SMIM33: variants seen among roughly 807,000 people sequenced by gnomAD.
The protein encoded by SMIM33 is small integral membrane protein 33.
Position 139,472,832 on chromosome 5 carries a change from G to A in SMIM33, c.310G>A (p.Glu104Lys). The change falls in exon 2 of 2, where the codon GAA becomes AAA. Residue 104 changes from glutamate (E) to lysine (K), a missense_variant. Transcript: ENST00000637503. Reference sequence around the variant, plus strand: ...GGTGCTGGGCCCCCAAGACAGTCCTGAAGAAGCACCACCGGGCCCTCTTGT... The same window carrying A: ...GGTGCTGGGCCCCCAAGACAGTCCTAAAGAAGCACCACCGGGCCCTCTTGT... ...WRVLGPQDSP[E>K]EAPPGPLVPG... 2 of 400,888 alleles carry A rather than the reference G, an allele frequency of 5.0e-6. No individual in the cohort carries two copies. Among genetic ancestry groups the A allele is most frequent in the Non-Finnish European group, 8.8e-6 (2 of 226,342 alleles). 24.8% of individuals were successfully genotyped at this position (400,888 alleles called of 1,614,324 possible).
chr5:139,471,949 A>T (rs1346145283), intron 1 of SMIM33, among the ~76,000 whole-genome samples: 1 of 151,866 alleles, frequency 6.6e-6, no homozygotes, highest in Non-Finnish European at 1.5e-5. Flanking sequence ...CTGGACAAGG[A>T]CCCCCTTTCC....
chr5:139,471,697 A>G (rs1358848197), intron 1 of SMIM33, among the ~76,000 whole-genome samples: 5 of 152,122 alleles, frequency 3.3e-5, no homozygotes, highest in Non-Finnish European at 7.4e-5. Context: ...GAAGACTGGC[A>G]CAGGGTCTCC....
chr5:139,472,361 C>T (rs1751549127), intron 1 of SMIM33, among the ~76,000 whole-genome samples, 171 bp from the exon 2 acceptor site: 1 of 152,010 alleles, frequency 6.6e-6, no homozygotes, highest in Non-Finnish European at 1.5e-5. Flanking sequence ...GTATTCTCTG[C>T]CTCTCTCCAG....
chr5:139,472,664 A>G lies in SMIM33; in HGVS notation c.142A>G (p.Ile48Val). 1 of 400,670 alleles carries G rather than the reference A, an allele frequency of 2.5e-6. No homozygotes were observed. The highest frequency in any genetic ancestry group is 4.4e-6 in the Non-Finnish European group (1 of 226,252). 24.8% of individuals were successfully genotyped at this position (400,670 alleles called of 1,614,324 possible). Residue 48 changes from isoleucine to valine, a missense_variant, in exon 2 of 2, where the codon ATT becomes GTT. Transcript: ENST00000637503. ...RVDGLPVVTV[I>V]VAVFVLLAVC... ...TGACGGGCTGCCTGTGGTCACCGTCATTGTCGCTGTCTTTGTTCTGCTGGC... is the reference window on the plus strand; with the variant it reads ...TGACGGGCTGCCTGTGGTCACCGTCGTTGTCGCTGTCTTTGTTCTGCTGGC...
rs542952918 is a variant in SMIM33, at chr5:139,471,877, C to T, written c.10-655C>T. ...CCTCTACCTCTACCTCTACCTCTCC[C>T]GCCGCCAGGGCACCACCTGTCTGTC... is the stretch of plus-strand genomic sequence containing the variant. On this transcript the variant is annotated intron_variant, in intron 1 of 1. Transcript: ENST00000637503. Among the ~76,000 whole-genome samples the T allele has an allele frequency of 3.7e-4, 56 of 152,298 alleles. 1 individual carries two copies. Among genetic ancestry groups the T allele is most frequent in the Admixed American group, 2.3e-3 (35 of 15,300 alleles).
rs1211080144 is a variant in SMIM33, at chr5:139,471,126, A to G, written c.5A>G (p.His2Arg). The G allele has an allele frequency of 2.5e-6, 1 of 398,724 alleles. No individual in the cohort carries two copies. Among genetic ancestry groups the G allele is most frequent in the Non-Finnish European group, 4.4e-6 (1 of 226,162 alleles). The allele number at this position is 398,724 out of a possible 1,614,324, so 24.7% of individuals were successfully genotyped here. A position where few individuals can be genotyped will look rare whatever the true frequency, so the allele number is the denominator to read the frequency against. M[H>R]QAGHYSWPSP... is the part of the protein sequence containing the mutation. ...AGCCCTGTGTCGGCCCGGACAATGCACCAGGTAGACTCTGCTCACCCCTTC... is the reference window on the plus strand; with the variant it reads ...AGCCCTGTGTCGGCCCGGACAATGCGCCAGGTAGACTCTGCTCACCCCTTC... The change falls in exon 1 of 2, where the codon CAC (histidine) becomes CGC (arginine). Residue 2 changes from histidine (H) to arginine (R), a missense_variant. His to Arg is a conservative substitution (Grantham distance 29). Coordinates refer to ENST00000637503, the MANE Select transcript of SMIM33 (RefSeq NM_001365197.1).
chr5:139,473,251 T>G lies in SMIM33; in HGVS notation c.*330T>G. The G allele has an allele frequency of 9.7e-6, 2 of 206,030 alleles. No homozygotes were observed. Among genetic ancestry groups the G allele is most frequent in the Non-Finnish European group, 1.9e-5 (2 of 103,978 alleles). 12.8% of individuals were successfully genotyped at this position (206,030 alleles called of 1,614,324 possible). A position where few individuals can be genotyped will look rare whatever the true frequency, so the allele number is the denominator to read the frequency against. On this transcript the variant is annotated 3_prime_UTR_variant, in exon 2 of 2. Transcript: ENST00000637503. ...CCCCTTCATTGCACGCTTAATCTCC[T>G]TCCTTTGTAATGTGAATCCAACTCC... is the stretch of plus-strand genomic sequence containing the variant.
chr5:139,473,074 A>G lies in SMIM33; in HGVS notation c.*153A>G, dbSNP rs770327651. ...GCTCTCTCAGAACATTTATAGAGAGAGCCCTGTGGTGGGCAAGAGAAATCA... is the reference window on the plus strand; with the variant it reads ...GCTCTCTCAGAACATTTATAGAGAGGGCCCTGTGGTGGGCAAGAGAAATCA... On this transcript the variant is annotated 3_prime_UTR_variant, in exon 2 of 2. Transcript: ENST00000637503. 4 of 396,624 alleles carry G rather than the reference A, an allele frequency of 1.0e-5. No individual in the cohort carries two copies. Among genetic ancestry groups the G allele is most frequent in the Non-Finnish European group, 1.8e-5 (4 of 225,438 alleles). The allele number at this position is 396,624 out of a possible 1,614,324, so 24.6% of individuals were successfully genotyped here.
At position 139,473,239 on chromosome 5, in the gene SMIM33, C is replaced by G; in HGVS notation, c.*318C>G. ...TCTGAGTCTCTGCCCCTTCATTGCA[C>G]GCTTAATCTCCTTCCTTTGTAATGT... On this transcript the variant is annotated 3_prime_UTR_variant, in exon 2 of 2. Coordinates refer to ENST00000637503, the MANE Select transcript of SMIM33 (RefSeq NM_001365197.1). The G allele has an allele frequency of 4.2e-6, 1 of 235,614 alleles. No individual in the cohort carries two copies. The highest frequency in any genetic ancestry group is 8.1e-6 in the Non-Finnish European group (1 of 123,030). 14.6% of individuals were successfully genotyped at this position (235,614 alleles called of 1,614,324 possible).
chr5:139,471,693 T>C (rs1338602128), intron 1 of SMIM33, among the ~76,000 whole-genome samples: 1 of 152,074 alleles, frequency 6.6e-6, no homozygotes, highest in Non-Finnish European at 1.5e-5. Context: ...AGAGGAAGAC[T>C]GGCACAGGGT....
At chr5:139,471,743 G>A (rs1751539478) in intron 1 of SMIM33, among the ~76,000 whole-genome samples, 1 of 152,034 alleles carries the variant, frequency 6.6e-6, no homozygotes, top group African/African-American at 2.4e-5. Context: ...AGTCCACACT[G>A]GGCACCCCCT....
At chr5:139,472,121 C>T (rs1751544362) in intron 1 of SMIM33, among the ~76,000 whole-genome samples, 1 of 152,222 alleles carries the variant, frequency 6.6e-6, no homozygotes, top group African/African-American at 2.4e-5. Flanking sequence ...GGGGGCCAAA[C>T]TGTATACGCT....
intron 1 of SMIM33, among the ~76,000 whole-genome samples, chr5:139,471,562 T>C (rs1751536099): frequency 6.6e-6 from 1 of 152,056 alleles, no homozygotes; most frequent in African/African-American, 2.4e-5. Flanking sequence ...GTTTACAGTT[T>C]TGCCATTTGC....
At position 139,472,715 on chromosome 5, in the gene SMIM33, T is replaced by C. The variant is rs1751555723; in HGVS notation, c.193T>C (p.Phe65Leu). The change falls in exon 2 of 2, where the codon TTT (phenylalanine) becomes CTT (leucine). Residue 65 changes from phenylalanine to leucine, a missense_variant. Coordinates refer to ENST00000637503, the MANE Select transcript of SMIM33 (RefSeq NM_001365197.1). Reference protein sequence around the residue: ...LAVCIIVAVHFGPRLHQGHAT... With the variant: ...LAVCIIVAVHLGPRLHQGHAT... The stretch of plus-strand genomic sequence containing the variant: ...AGTCTGCATCATAGTGGCAGTCCAT[T>C]TTGGGCCAAGGCTGCACCAGGGCCA... The C allele has an allele frequency of 2.5e-6, 1 of 400,772 alleles. No homozygotes were observed. Among genetic ancestry groups the C allele is most frequent in the Non-Finnish European group, 4.4e-6 (1 of 226,256 alleles). The allele number at this position is 400,772 out of a possible 1,614,324, so 24.8% of individuals were successfully genotyped here.
Position 139,473,098 on chromosome 5 carries a change from C to A in SMIM33, c.*177C>A, listed in dbSNP as rs1268787400. ...GAGCCCTGTGGTGGGCAAGAGAAATCAAAACTTGAGGGCCCTGCCCAGAAA... is the reference window on the plus strand; with the variant it reads ...GAGCCCTGTGGTGGGCAAGAGAAATAAAAACTTGAGGGCCCTGCCCAGAAA... On this transcript the variant is annotated 3_prime_UTR_variant, in exon 2 of 2. Coordinates refer to ENST00000637503, the MANE Select transcript of SMIM33 (RefSeq NM_001365197.1). The A allele has an allele frequency of 2.5e-6, 1 of 394,978 alleles. No individual in the cohort carries two copies. The highest frequency in any genetic ancestry group is 2.1e-5 in the African/African-American group (1 of 48,568). The allele number at this position is 394,978 out of a possible 1,614,324, so 24.5% of individuals were successfully genotyped here.
chr5:139,471,102 G>A lies in SMIM33; in HGVS notation c.-20G>A, dbSNP rs892906481. The A allele has an allele frequency of 3.0e-5, 12 of 398,638 alleles. No individual in the cohort carries two copies. Among genetic ancestry groups the A allele is most frequent in the South Asian group, 1.3e-4 (1 of 7,866 alleles). The allele number at this position is 398,638 out of a possible 1,614,324, so 24.7% of individuals were successfully genotyped here. Reference sequence around the variant, plus strand: ...CCAGCTGGCTGCCAGTCCCAAGGGAGCCCTGTGTCGGCCCGGACAATGCAC... The same window carrying A: ...CCAGCTGGCTGCCAGTCCCAAGGGAACCCTGTGTCGGCCCGGACAATGCAC... On this transcript the variant is annotated 5_prime_UTR_variant, in exon 1 of 2. Transcript: ENST00000637503.
Position 139,471,087 on chromosome 5 carries a change from G to GA in SMIM33, c.-35_-34insA, listed in dbSNP as rs1751529324. 1.0e-5 allele frequency: 4 copies of GA among 398,768 alleles called. No individual in the cohort carries two copies. Among genetic ancestry groups the GA allele is most frequent in the Non-Finnish European group, 1.8e-5 (4 of 226,174 alleles). 24.7% of individuals were successfully genotyped at this position (398,768 alleles called of 1,614,324 possible). A position where few individuals can be genotyped will look rare whatever the true frequency, so the allele number is the denominator to read the frequency against. On this transcript the variant is annotated 5_prime_UTR_variant, in exon 1 of 2. Coordinates refer to ENST00000637503, the MANE Select transcript of SMIM33 (RefSeq NM_001365197.1). ...CCAGCCCTCCTTTACCCAGCTGGCT[G>GA]CCAGTCCCAAGGGAGCCCTGTGTCG...
chr5:139,472,473 G>A (rs1751551394), intron 1 of SMIM33, 59 bp from the exon 2 acceptor site: 1 of 324,746 alleles, frequency 3.1e-6, no homozygotes, highest in Non-Finnish European at 5.6e-6. Flanking sequence ...TTTCTATTTT[G>A]GTCTTTTTCT....
intron 1 of SMIM33, among the ~76,000 whole-genome samples, chr5:139,471,537 G>A (rs984223516): frequency 6.6e-6 from 1 of 152,076 alleles, no homozygotes; most frequent in Non-Finnish European, 1.5e-5. Context: ...GGCCTGTGAG[G>A]ACCTCAGCTC....
Sources: allele counts gnomAD v4.1 joint callset (sites outside exome capture counted in the v4.1 genomes callset), GRCh38; gene constraint gnomAD v4.1.1; transcripts MANE v1.5; gene names NCBI Gene and HGNC (gene_info 2026-07-23, HGNC 2026-07-21).